The following CMIP variants were observed in gnomAD, a reference collection of about 807,000 sequenced individuals.
CMIP encodes the protein C-Maf-inducing protein.
CMIP carries 13 observed loss-of-function variants against 97.3 expected under a neutral mutation model. The ratio of observed to expected loss-of-function variants is 0.13; its 90% CI spans 0.09 to 0.21. The LOEUF is 0.21. Among genes scored for constraint, CMIP ranks in the 10% least tolerant of loss-of-function variants. The pLI, the probability that CMIP is intolerant of heterozygous loss-of-function variation, is 1.00. For synonymous variants in CMIP, 538 were observed against 436.3 expected, an observed-to-expected ratio of 1.23 and a Z score of -2.91; for missense variants, 847 against 1,024.9, an observed-to-expected ratio of 0.83 and a Z score of 2.37.
chr16:81,599,727 G>T (rs1162690831), intron 1 of CMIP, among the ~76,000 whole-genome samples: 2 of 152,230 alleles, frequency 1.3e-5, no homozygotes, highest in Admixed American at 6.5e-5. Context: ...AAGAGCAGGA[G>T]GCCTGTGTGA....
At chr16:81,457,575 A>G (rs1469686763) in intron 1 of CMIP, among the ~76,000 whole-genome samples, 1 of 152,216 alleles carries the variant, frequency 6.6e-6, no homozygotes, top group Non-Finnish European at 1.5e-5. Flanking sequence ...AACCCGTGAT[A>G]CGTAACAAGC....
intron 1 of CMIP, among the ~76,000 whole-genome samples, chr16:81,446,762 G>C (rs981825050): frequency 6.6e-6 from 1 of 152,162 alleles, no homozygotes; most frequent in East Asian, 1.9e-4. Flanking sequence ...TTCCCTTGGC[G>C]GTGTGTCACA....
intron 1 of CMIP, among the ~76,000 whole-genome samples, chr16:81,452,385 C>T (rs886271756): frequency 2.0e-5 from 3 of 152,102 alleles, no homozygotes; most frequent in South Asian, 2.1e-4. Flanking sequence ...TGCTTTCATG[C>T]CTCCATTCAG....
chr16:81,678,353 G>T lies in CMIP; in HGVS notation c.1113G>T (p.Leu371=), dbSNP rs1597237215. 1 of 1,613,364 alleles carries T rather than the reference G, an allele frequency of 6.2e-7. No individual in the cohort carries two copies. The highest frequency in any genetic ancestry group is 8.5e-7 in the Non-Finnish European group (1 of 1,179,722). Reference sequence around the variant, plus strand: ...GCGACCGGAAGCCCACTTTACCTCTGCGCCTTCTGCACCCCAGCCCGGACC... The same window carrying T: ...GCGACCGGAAGCCCACTTTACCTCTTCGCCTTCTGCACCCCAGCCCGGACC... ...QPCDRKPTLP[L]RLLHPSPDLV... Residue 371 remains leucine, a synonymous_variant, in exon 10 of 21, where the codon CTG becomes CTT. Transcript: ENST00000537098.
At chr16:81,458,051 A>C (rs998922455) in intron 1 of CMIP, among the ~76,000 whole-genome samples, 1 of 152,200 alleles carries the variant, frequency 6.6e-6, no homozygotes. Flanking sequence ...GAGGGGGAGA[A>C]ATTAGCATTA....
intron 1 of CMIP, among the ~76,000 whole-genome samples, chr16:81,552,899 C>T (rs1311996572): frequency 1.3e-5 from 2 of 152,182 alleles, no homozygotes; most frequent in African/African-American, 4.8e-5. Flanking sequence ...GCCCTGTCCT[C>T]ATGGAGCTGC....
Position 81,502,145 on chromosome 16 carries a change from C to T in CMIP, c.300+56604C>T, listed in dbSNP as rs147815968. On this transcript the variant is annotated intron_variant, in intron 1 of 20. Transcript: ENST00000537098. ...ACTGAGGCCCAGAGAGGTTAAGTAA[C>T]GTACCCAGCTGCTAGGAGGCAGGGC... Among the ~76,000 whole-genome samples, 763 of 152,314 alleles carry T rather than the reference C, an allele frequency of 5.0e-3. 2 individuals carry two copies. Among genetic ancestry groups the T allele is most frequent in the Non-Finnish European group, 6.4e-3 (432 of 68,024 alleles).
At chr16:81,634,957 A>T (rs2092215668) in intron 3 of CMIP, among the ~76,000 whole-genome samples, 1 of 152,156 alleles carries the variant, frequency 6.6e-6, no homozygotes, top group Non-Finnish European at 1.5e-5. Context: ...CTTATTTGGG[A>T]TAGAGAGAGT....
At chr16:81,549,377 T>C (rs114907684) in intron 1 of CMIP, among the ~76,000 whole-genome samples, 2,952 of 152,334 alleles carry the variant, frequency 0.019, 41 homozygotes, top group Middle Eastern at 0.065. Context: ...TGTTTCTTCA[T>C]TGGACTTTGT....
At chr16:81,689,880 C>A (rs1905855919) in intron 10 of CMIP, among the ~76,000 whole-genome samples, 1 of 152,180 alleles carries the variant, frequency 6.6e-6, no homozygotes, top group Non-Finnish European at 1.5e-5. Context: ...TATGGCTAGC[C>A]AGTTTTCCCA....
intron 4 of CMIP, among the ~76,000 whole-genome samples, chr16:81,656,196 G>A (rs1171590233): frequency 6.6e-6 from 1 of 152,200 alleles, no homozygotes; most frequent in Non-Finnish European, 1.5e-5. Flanking sequence ...TGCTGACCTG[G>A]CTTCACGGCC....
intron 1 of CMIP, among the ~76,000 whole-genome samples, chr16:81,459,606 A>C (rs568545858): frequency 7.2e-5 from 11 of 152,220 alleles, no homozygotes; most frequent in African/African-American, 2.7e-4. Context: ...AACAGAATTG[A>C]AAGTCGCTTT....
intron 1 of CMIP, among the ~76,000 whole-genome samples, chr16:81,600,921 G>A (rs1460412766): frequency 2.0e-5 from 3 of 152,174 alleles, no homozygotes; most frequent in South Asian, 2.1e-4. Flanking sequence ...CCAACTTCTC[G>A]TTTCTCCTTT....
chr16:81,684,747 G>T (rs1459615424), intron 10 of CMIP, among the ~76,000 whole-genome samples: 1 of 152,222 alleles, frequency 6.6e-6, no homozygotes, highest in Non-Finnish European at 1.5e-5. Context: ...GCATGTTGGG[G>T]TCAGCAGGAT....
chr16:81,667,757 AGGG>A, intron 7 of CMIP, among the ~76,000 whole-genome samples: 2 of 92,250 alleles, frequency 2.2e-5, no homozygotes. Flanking sequence ...GGAGGGAGGG[AGGG>A]AGAGAAAGAG....
At chr16:81,663,585 C>G (rs1481676122) in intron 6 of CMIP, among the ~76,000 whole-genome samples, 2 of 152,188 alleles carry the variant, frequency 1.3e-5, no homozygotes. Flanking sequence ...TCTAAACACC[C>G]AGAGCGCACA....
chr16:81,693,622 A>T, intron 13 of CMIP, 135 bp downstream of exon 13: 1 of 924,704 alleles, frequency 1.1e-6, no homozygotes, highest in Admixed American at 2.6e-5. Context: ...GCCTGTGTAT[A>T]AACACATCCC....
rs995889260 is a variant in CMIP at position 81,657,707 on chromosome 16, C to T, written c.640-68C>T. ...GTTTCAAAACTGTGGATCTTGAAATCCAAATGCTCGTTTTCTTAATTTTCT... is the reference window on the plus strand; with the variant it reads ...GTTTCAAAACTGTGGATCTTGAAATTCAAATGCTCGTTTTCTTAATTTTCT... On this transcript the variant is annotated intron_variant, in intron 4 of 20. Transcript: ENST00000537098. 3.1e-6 allele frequency: 4 copies of T among 1,308,872 alleles called. No individual in the cohort carries two copies. The African/African-American group carries it at 6.0e-5, about 20-fold the overall frequency. The allele number at this position is 1,308,872 out of a possible 1,614,324, so 81.1% of individuals were successfully genotyped here. A position where few individuals can be genotyped will look rare whatever the true frequency, so the allele number is the denominator to read the frequency against.
At chr16:81,469,923 C>T (rs1169974578) in intron 1 of CMIP, among the ~76,000 whole-genome samples, 1 of 152,130 alleles carries the variant, frequency 6.6e-6, no homozygotes, top group Admixed American at 6.5e-5. Context: ...CTCCTGTCTG[C>T]TGCACCCTTG....
Sources: allele counts gnomAD v4.1 joint callset (sites outside exome capture counted in the v4.1 genomes callset), GRCh38; gene constraint gnomAD v4.1.1; transcripts MANE v1.5; gene names NCBI Gene and HGNC (gene_info 2026-07-23, HGNC 2026-07-21).